Variants in ATRNL1 observed in about 807,000 individuals in gnomAD.
The protein encoded by ATRNL1 is attractin-like protein 1.
Under a neutral mutation model 182.7 loss-of-function variants are expected in ATRNL1, and 95 were observed. That is an observed-to-expected ratio of 0.52 (90% CI 0.44 to 0.62). The LOEUF (loss-of-function observed/expected upper bound fraction) is 0.62, where lower values mean the gene tolerates loss of function less well. Ranked by LOEUF, ATRNL1 falls within the 20% of genes least tolerant of loss-of-function variation. The pLI is 0.00. For missense variants in ATRNL1, 1,471 were observed against 1,679.5 expected, an observed-to-expected ratio of 0.88 and a Z score of 2.17; for synonymous variants, 576 against 568.3, an observed-to-expected ratio of 1.01 and a Z score of -0.19.
At chr10:115,741,909 G>A (rs1009358217) in intron 27 of ATRNL1, among the ~76,000 whole-genome samples, 5 of 152,104 alleles carry the variant, frequency 3.3e-5, no homozygotes, top group African/African-American at 1.2e-4. Flanking sequence ...AAAGAGTACA[G>A]AATTAAGAAG....
At chr10:115,175,564 T>C (rs1847469304) in intron 8 of ATRNL1, among the ~76,000 whole-genome samples, 1 of 152,102 alleles carries the variant, frequency 6.6e-6, no homozygotes, top group Admixed American at 6.6e-5. Flanking sequence ...TCAGGCATAC[T>C]TAAGAATGTA....
At chr10:115,100,171 T>C (rs1335909894) in intron 1 of ATRNL1, among the ~76,000 whole-genome samples, 1 of 152,132 alleles carries the variant, frequency 6.6e-6, no homozygotes, top group Non-Finnish European at 1.5e-5. Context: ...GTGTGCGCAT[T>C]TAGCCCATCT....
Position 115,197,099 on chromosome 10 carries a change from G to A in ATRNL1, c.1349-18598G>A, listed in dbSNP as rs1592243457. 2.0e-5 allele frequency among the ~76,000 whole-genome samples: 3 copies of A among 151,780 alleles called. No individual in the cohort carries two copies. In the South Asian group the frequency reaches 6.2e-4, roughly 32 times the overall value. On this transcript the variant is annotated intron_variant, in intron 8 of 28. Transcript: ENST00000355044. The stretch of plus-strand genomic sequence containing the variant: ...TTCATGAACAGTGTTAAATTTCCTC[G>A]AAATAGTTTTTTTTTCCACATCTTT...
chr10:115,114,631 A>G (rs1359986527), intron 1 of ATRNL1, among the ~76,000 whole-genome samples: 1 of 152,190 alleles, frequency 6.6e-6, no homozygotes, highest in Non-Finnish European at 1.5e-5. Context: ...CAAAACATAT[A>G]TGAAAACATG....
chr10:115,440,115 A>G lies in ATRNL1; in HGVS notation c.3322+13813A>G, dbSNP rs369145677. ...TGAAATTGTTCCAGATCTGGTCATT[A>G]AGATCCCCCTCAATTTGGCTTCTGT... On this transcript the variant is annotated intron_variant, in intron 21 of 28. Transcript: ENST00000355044. 6.5e-4 allele frequency among the ~76,000 whole-genome samples: 99 copies of G among 151,968 alleles called. 2 individuals are homozygous for G. The South Asian group carries it at 0.02, about 31-fold the overall frequency.
At chr10:115,713,675 T>TTCTA (rs56673702) in intron 26 of ATRNL1, among the ~76,000 whole-genome samples, 11,163 of 114,134 alleles carry the variant, frequency 0.098, 645 homozygotes, top group South Asian at 0.15. Flanking sequence ...AGGTTCTGTT[T>TTCTA]TCTATCTATC....
intron 26 of ATRNL1, among the ~76,000 whole-genome samples, chr10:115,726,619 G>T (rs1565322729): frequency 1.3e-5 from 2 of 152,206 alleles, no homozygotes; most frequent in Non-Finnish European, 2.9e-5. Flanking sequence ...TGGGGGTGCT[G>T]TAGAAGTCCT....
At chr10:115,748,719 G>A (rs1295545104) in intron 27 of ATRNL1, among the ~76,000 whole-genome samples, 2 of 151,832 alleles carry the variant, frequency 1.3e-5, no homozygotes, top group Non-Finnish European at 2.9e-5. Flanking sequence ...ATACCATAAT[G>A]TTTGTGCTGT....
chr10:115,880,374 A>G (rs1247024168), intron 28 of ATRNL1, among the ~76,000 whole-genome samples: 1 of 152,182 alleles, frequency 6.6e-6, no homozygotes, highest in Non-Finnish European at 1.5e-5. Flanking sequence ...CTGTAATCCT[A>G]ACACTTGGAG....
intron 28 of ATRNL1, among the ~76,000 whole-genome samples, chr10:115,913,450 A>T (rs1952746826): frequency 6.6e-6 from 1 of 152,370 alleles, no homozygotes; most frequent in South Asian, 2.1e-4. Context: ...CCCAAGCCAA[A>T]GTGCTTAACT....
Position 115,877,897 on chromosome 10 carries a change from C to T in ATRNL1, c.4018+29906C>T, listed in dbSNP as rs181987412. On this transcript the variant is annotated intron_variant, in intron 28 of 28. Transcript: ENST00000355044. ...CACCGTGCTAGGCACTAATGCCAAA[C>T]GGCCCTGCACTAAATGGACACTTAG... Among the ~76,000 whole-genome samples the T allele has an allele frequency of 1.8e-3, 268 of 152,334 alleles. 2 individuals carry two copies. Among genetic ancestry groups the T allele is most frequent in the African/African-American group, 6.0e-3 (249 of 41,572 alleles).
At chr10:115,760,285 A>G (rs1948703140) in intron 27 of ATRNL1, among the ~76,000 whole-genome samples, 1 of 151,836 alleles carries the variant, frequency 6.6e-6, no homozygotes, top group Non-Finnish European at 1.5e-5. Flanking sequence ...GTTTAGTTTT[A>G]TTTTTTGCTC....
At chr10:115,379,335 G>C (rs2134225607) in intron 19 of ATRNL1, among the ~76,000 whole-genome samples, 1 of 152,226 alleles carries the variant, frequency 6.6e-6, no homozygotes, top group South Asian at 2.1e-4. Context: ...TTAAACAATT[G>C]AATTTAAAAT....
chr10:115,808,720 C>G (rs1555086218), intron 27 of ATRNL1, among the ~76,000 whole-genome samples: 4 of 152,146 alleles, frequency 2.6e-5, no homozygotes, highest in African/African-American at 9.7e-5. Context: ...GTTAGTCATT[C>G]TATTGGGTAC....
At chr10:115,629,421 A>T (rs1017031170) in intron 26 of ATRNL1, among the ~76,000 whole-genome samples, 1 of 152,096 alleles carries the variant, frequency 6.6e-6, no homozygotes, top group Admixed American at 6.5e-5. Context: ...CATGAATCCT[A>T]TTCTCCTTGC....
intron 21 of ATRNL1, among the ~76,000 whole-genome samples, chr10:115,450,849 G>A (rs1847246188): frequency 6.6e-6 from 1 of 152,152 alleles, no homozygotes; most frequent in African/African-American, 2.4e-5. Flanking sequence ...TAAAGCTGGA[G>A]GCTTCACGTT....
intron 27 of ATRNL1, among the ~76,000 whole-genome samples, chr10:115,829,595 C>G (rs1233876019): frequency 6.6e-6 from 1 of 151,926 alleles, no homozygotes; most frequent in African/African-American, 2.4e-5. Flanking sequence ...AACTCATTTC[C>G]CTTCCTGAGC....
chr10:115,554,505 A>G lies in ATRNL1; in HGVS notation c.3795+4969A>G, dbSNP rs74158368. ...ATTTTGCTCAGTTCAACAAAGGTGTATCAATTTCTTGCTATATTATAGACA... is the reference window on the plus strand; with the variant it reads ...ATTTTGCTCAGTTCAACAAAGGTGTGTCAATTTCTTGCTATATTATAGACA... On this transcript the variant is annotated intron_variant, in intron 26 of 28. Coordinates refer to ENST00000355044, the MANE Select transcript of ATRNL1 (RefSeq NM_207303.4). Among the ~76,000 whole-genome samples the G allele has an allele frequency of 9.9e-3, 1,499 of 151,762 alleles. 18 individuals carry two copies. The highest frequency in any genetic ancestry group is 0.034 in the African/African-American group (1,421 of 41,532).
intron 27 of ATRNL1, among the ~76,000 whole-genome samples, chr10:115,825,968 G>A (rs1555091857): frequency 6.6e-6 from 1 of 152,108 alleles, no homozygotes; most frequent in Non-Finnish European, 1.5e-5. Flanking sequence ...GCTGTAAATA[G>A]AAATTAGTAT....
Sources: allele counts gnomAD v4.1 joint callset (sites outside exome capture counted in the v4.1 genomes callset), GRCh38; gene constraint gnomAD v4.1.1; transcripts MANE v1.5; gene names NCBI Gene and HGNC (gene_info 2026-07-23, HGNC 2026-07-21).